Variants in ERBIN observed in about 807,000 individuals in gnomAD.
The protein encoded by ERBIN is densin-180-like protein.
ERBIN carries 60 observed loss-of-function variants against 158.4 expected under a neutral mutation model. That is an observed-to-expected ratio of 0.38 (90% CI 0.31 to 0.47). ERBIN has a LOEUF of 0.47. Among genes scored for constraint, ERBIN ranks in the 20% least tolerant of loss-of-function variants. The pLI is 0.99. For missense variants in ERBIN, 1,610 were observed against 1,648.0 expected (o/e 0.98, Z 0.40); for synonymous variants, 594 against 557.2 (o/e 1.07, Z -0.93).
chr5:65,970,109 T>TAGTGA (rs1381500381), intron 1 of ERBIN, among the ~76,000 whole-genome samples: 2 of 113,884 alleles, frequency 1.8e-5, no homozygotes, highest in Non-Finnish European at 4.1e-5. Flanking sequence ...TTACATAATC[T>TAGTGA]AGTGAAGTAT....
intron 21 of ERBIN, among the ~76,000 whole-genome samples, chr5:66,057,123 T>A (rs192734871): frequency 2.4e-4 from 36 of 152,310 alleles, no homozygotes; most frequent in Middle Eastern, 3.4e-3. Context: ...TTCAAAAAAA[T>A]TTTTTAAAAA....
At chr5:65,953,900 A>G (rs988068696) in intron 1 of ERBIN, among the ~76,000 whole-genome samples, 3 of 152,194 alleles carry the variant, frequency 2.0e-5, no homozygotes, top group African/African-American at 7.2e-5. Flanking sequence ...TTTTGTGCCT[A>G]TGCATGAAAT....
Position 66,082,071 on chromosome 5 carries a change from A to G in ERBIN, c.*3541A>G, listed in dbSNP as rs528943695. The G allele has an allele frequency of 6.6e-6, 1 of 152,286 alleles. No homozygotes were observed. The highest frequency in any genetic ancestry group is 6.5e-5 in the Admixed American group (1 of 15,296). 9.4% of individuals were successfully genotyped at this position (152,286 alleles called of 1,614,324 possible). Reference sequence around the variant, plus strand: ...ATAGTAAGTAGTCATTTAGTTTTGGAAAGTTCTTAAGAGAATGCTATCTTC... The same window carrying G: ...ATAGTAAGTAGTCATTTAGTTTTGGGAAGTTCTTAAGAGAATGCTATCTTC... On this transcript the variant is annotated 3_prime_UTR_variant, in exon 26 of 26. Coordinates refer to ENST00000284037, the MANE Select transcript of ERBIN (RefSeq NM_001253697.2).
At chr5:65,998,666 G>A (rs538705856) in intron 4 of ERBIN, among the ~76,000 whole-genome samples, 2 of 152,158 alleles carry the variant, frequency 1.3e-5, no homozygotes, top group Admixed American at 1.3e-4. Context: ...GGAGGTCGAG[G>A]TGGAAGGATC....
chr5:66,077,803 C>T (rs939291891), intron 25 of ERBIN, among the ~76,000 whole-genome samples: 1 of 143,522 alleles, frequency 7.0e-6, no homozygotes, highest in Non-Finnish European at 1.5e-5. Context: ...CATACACACA[C>T]ACACACAGTC....
intron 17 of ERBIN, among the ~76,000 whole-genome samples, chr5:66,045,100 C>T (rs1042827705): frequency 1.3e-5 from 2 of 151,854 alleles, no homozygotes. Context: ...CTCCTGTAGT[C>T]CTAGCTACTT....
chr5:66,042,640 T>G (rs1758024874), intron 15 of ERBIN, among the ~76,000 whole-genome samples: 1 of 152,112 alleles, frequency 6.6e-6, no homozygotes, highest in Admixed American at 6.5e-5. Context: ...TGGGTTTACC[T>G]TAAAATTTCC....
At position 66,076,231 on chromosome 5, in the gene ERBIN, A is replaced by T; in HGVS notation, c.3964-85A>T. ...CTTATGTTTATGTTTGCTTGGACTT[A>T]ACCAATCAGTATTTAAATATGGATG... is the stretch of plus-strand genomic sequence containing the variant. On this transcript the variant is annotated intron_variant, in intron 23 of 25. Coordinates refer to ENST00000284037, the MANE Select transcript of ERBIN (RefSeq NM_001253697.2). 6.1e-6 allele frequency: 6 copies of T among 988,372 alleles called. No homozygotes were observed. In the South Asian group the frequency reaches 7.0e-5, roughly 12 times the overall value. The allele number at this position is 988,372 out of a possible 1,614,324, so 61.2% of individuals were successfully genotyped here. A position where few individuals can be genotyped will look rare whatever the true frequency, so the allele number is the denominator to read the frequency against.
At position 66,062,187 on chromosome 5, in the gene ERBIN, C is replaced by T. The variant is rs371639073; in HGVS notation, c.3633+7236C>T. Among the ~76,000 whole-genome samples the T allele has an allele frequency of 1.9e-4, 29 of 152,278 alleles. 1 individual carries two copies. The East Asian group carries it at 3.5e-3, about 18-fold the overall frequency. On this transcript the variant is annotated intron_variant, in intron 21 of 25. Coordinates refer to ENST00000284037, the MANE Select transcript of ERBIN (RefSeq NM_001253697.2). ...GTCACTTTCAGGTACACCAGTGAGA[C>T]GTAGATTTGGTCTTTTCACATAGTC...
rs1761972720 is a variant in ERBIN, at chr5:66,076,222, C to T, written c.3964-94C>T. On this transcript the variant is annotated intron_variant, in intron 23 of 25. Transcript: ENST00000284037. ...TGATGAATTCTTATGTTTATGTTTGCTTGGACTTAACCAATCAGTATTTAA... is the reference window on the plus strand; with the variant it reads ...TGATGAATTCTTATGTTTATGTTTGTTTGGACTTAACCAATCAGTATTTAA... The T allele has an allele frequency of 2.0e-5, 18 of 878,230 alleles. No homozygotes were observed. The South Asian group carries it at 2.6e-4, about 13-fold the overall frequency. The allele number at this position is 878,230 out of a possible 1,614,324, so 54.4% of individuals were successfully genotyped here.
At chr5:65,983,938 A>G (rs1750930464) in intron 1 of ERBIN, among the ~76,000 whole-genome samples, 1 of 152,170 alleles carries the variant, frequency 6.6e-6, no homozygotes, top group South Asian at 2.1e-4. Flanking sequence ...TGAACCTAGC[A>G]TCACAGTGCA....
chr5:66,034,831 A>C (rs899003521), intron 14 of ERBIN, among the ~76,000 whole-genome samples: 1 of 152,212 alleles, frequency 6.6e-6, no homozygotes, highest in African/African-American at 2.4e-5. Flanking sequence ...TTGCCAAGAC[A>C]GGTGCAAGAA....
intron 1 of ERBIN, among the ~76,000 whole-genome samples, chr5:65,988,415 A>ATG: frequency 6.6e-6 from 1 of 151,546 alleles, no homozygotes; most frequent in African/African-American, 2.4e-5. Context: ...AAGCTGGTAA[A>ATG]TATGTGTGTG....
At chr5:65,943,991 G>C (rs1745414371) in intron 1 of ERBIN, among the ~76,000 whole-genome samples, 1 of 152,072 alleles carries the variant, frequency 6.6e-6, no homozygotes, top group Admixed American at 6.6e-5. Context: ...TCCTTCCTAA[G>C]ACCAAATAAT....
chr5:66,020,377 G>A (rs417152), intron 7 of ERBIN, among the ~76,000 whole-genome samples: 111,437 of 151,776 alleles, frequency 0.73, 42,664 homozygotes, highest in Non-Finnish European at 0.86. Flanking sequence ...TTTTCGTGCC[G>A]TAATTTGAAG....
At chr5:66,026,637 A>G (rs980530786) in intron 13 of ERBIN, among the ~76,000 whole-genome samples, 13 of 151,996 alleles carry the variant, frequency 8.6e-5, no homozygotes, top group Admixed American at 5.9e-4. Flanking sequence ...AGAAAATGAC[A>G]TTATTTGAGA....
At chr5:66,075,271 T>C in intron 23 of ERBIN, 41 bp downstream of exon 23, 2 of 1,436,164 alleles carry the variant, frequency 1.4e-6, no homozygotes, top group Non-Finnish European at 2.0e-6. Context: ...GGACTAAGCT[T>C]TTTATGTATT....
chr5:66,068,811 A>G (rs1190510656), intron 21 of ERBIN: 9 of 1,389,954 alleles, frequency 6.5e-6, no homozygotes, highest in South Asian at 3.1e-5. Flanking sequence ...GTCTACGTAT[A>G]TAACATGTCT....
Position 66,072,164 on chromosome 5 carries a change from A to G in ERBIN, c.3634-5A>G. 6.5e-7 allele frequency: 1 copy of G among 1,548,750 alleles called. No homozygotes were observed. The highest frequency in any genetic ancestry group is 8.7e-7 in the Non-Finnish European group (1 of 1,146,252). On this transcript the variant is annotated splice_region_variant and splice_polypyrimidine_tract_variant and intron_variant, in intron 21 of 25. Coordinates refer to ENST00000284037, the MANE Select transcript of ERBIN (RefSeq NM_001253697.2). The stretch of plus-strand genomic sequence containing the variant: ...TTTGTTTACTTTTTATTTCCTGCTC[A>G]TTAGAAGCATCCCCAGACATCCAGT...
Sources: allele counts gnomAD v4.1 joint callset (sites outside exome capture counted in the v4.1 genomes callset), GRCh38; gene constraint gnomAD v4.1.1; transcripts MANE v1.5; gene names NCBI Gene and HGNC (gene_info 2026-07-23, HGNC 2026-07-21).